Variants in ZWINT observed in about 807,000 individuals in gnomAD.
ZWINT encodes the protein ZW10 interacting kinetochore protein, also known as outer kinetochore KNL1 complex subunit ZWINT.
Under a neutral mutation model 41.5 loss-of-function variants are expected in ZWINT, and 41 were observed. That is an observed-to-expected ratio of 0.99 (90% CI 0.77 to 1.28). ZWINT has a LOEUF of 1.28. Ranked by LOEUF, ZWINT falls within the 50% of genes most tolerant of loss-of-function variation. The pLI is 0.00. For missense variants in ZWINT, 369 were observed against 329.7 expected (o/e 1.12, Z -0.92); for synonymous variants, 132 against 126.8 (o/e 1.04, Z -0.28).
At chr10:56,359,412 G>A (rs1838261543) in intron 5 of ZWINT, 64 bp downstream of exon 5, 1 of 1,451,396 alleles carries the variant, frequency 6.9e-7, no homozygotes, top group African/African-American at 1.4e-5. Flanking sequence ...TTCTAGACAG[G>A]GGACACAGCC....
In ZWINT at chr10:56,357,834, A is replaced by G; in HGVS notation, c.*393T>C. On this transcript the variant is annotated 3_prime_UTR_variant, in exon 9 of 9. Transcript: ENST00000373944. ...GACTCAACAAACATTTGGATCCATG[A>G]ATAAAATTATCTTCCCACATATAAC... 2.9e-6 allele frequency: 1 copy of G among 348,572 alleles called. No homozygotes were observed. Among genetic ancestry groups the G allele is most frequent in the Non-Finnish European group, 5.6e-6 (1 of 177,416 alleles). The allele number at this position is 348,572 out of a possible 1,614,324, so 21.6% of individuals were successfully genotyped here.
rs759058531 is a variant in ZWINT at position 56,360,368 on chromosome 10, C to T, written c.57G>A (p.Val19=). 2 of 1,614,166 alleles carry T rather than the reference C, an allele frequency of 1.2e-6. No individual in the cohort carries two copies. The highest frequency in any genetic ancestry group is 2.2e-5 in the East Asian group (1 of 44,876). Residue 19 remains valine (V), a synonymous_variant, in exon 2 of 9, where the codon GTG becomes GTA. Transcript: ENST00000373944. ...GGCCTACAGGTTCCAAGATGCCTGC[C>T]ACCTCAGCCAGGACCCTGGAGGGGC... is the stretch of plus-strand genomic sequence containing the variant. ...EAAALEVLAE[V]AGILEPVGLQ...
At chr10:56,360,500 T>C (rs144965936) in intron 1 of ZWINT, 117 bp from the exon 2 acceptor site, 1 of 866,252 alleles carries the variant, frequency 1.2e-6, no homozygotes, top group South Asian at 1.7e-5. Flanking sequence ...ATTGAGAGTC[T>C]TGCCTTGACC....
rs758073396 is a variant in ZWINT, at chr10:56,360,158, C to G, written c.133-17G>C. On this transcript the variant is annotated splice_polypyrimidine_tract_variant and intron_variant, in intron 2 of 8. Transcript: ENST00000373944. ...CTGAGAGTCCTGCTCAGAGGGAGGGCAGAGACAGGGAACATCCTTACCTCC... is the reference window on the plus strand; with the variant it reads ...CTGAGAGTCCTGCTCAGAGGGAGGGGAGAGACAGGGAACATCCTTACCTCC... The G allele has an allele frequency of 1.2e-6, 2 of 1,613,438 alleles. No individual in the cohort carries two copies. Among genetic ancestry groups the G allele is most frequent in the African/African-American group, 2.7e-5 (2 of 74,942 alleles).
intron 1 of ZWINT, 86 bp from the exon 2 acceptor site, chr10:56,360,469 G>T: frequency 1.9e-6 from 2 of 1,071,316 alleles, no homozygotes; most frequent in Non-Finnish European, 2.8e-6. Flanking sequence ...AAATGTGGAT[G>T]TGTATATCAG....
chr10:56,361,182 C>G lies in ZWINT; in HGVS notation c.41+14G>C, dbSNP rs775886595. ...AGGCCCGGCCCCAGCTGCCACTTAG[C>G]CGCAAACACTTACTCTAGGGCTGCA... On this transcript the variant is annotated intron_variant, in intron 1 of 8. Coordinates refer to ENST00000373944, the MANE Select transcript of ZWINT (RefSeq NM_007057.4). The G allele has an allele frequency of 1.2e-6, 2 of 1,613,196 alleles. No individual in the cohort carries two copies. Among genetic ancestry groups the G allele is most frequent in the South Asian group, 2.2e-5 (2 of 91,020 alleles).
chr10:56,361,209 C>G lies in ZWINT; in HGVS notation c.28G>C (p.Ala10Pro), dbSNP rs758714789. Residue 10 changes from alanine to proline, a missense_variant, in exon 1 of 9, where the codon GCT (alanine) becomes CCT (proline). Coordinates refer to ENST00000373944, the MANE Select transcript of ZWINT (RefSeq NM_007057.4). ...GCAAACACTTACTCTAGGGCTGCAG[C>G]TTCCGCCTCTGTCTCCGCTGCCTCC... Reference protein sequence around the residue: MEAAETEAEAAALEVLAEVA... With the variant: MEAAETEAEPAALEVLAEVA... 8.7e-6 allele frequency: 14 copies of G among 1,613,060 alleles called. No homozygotes were observed. The East Asian group carries it at 3.1e-4, about 36-fold the overall frequency.
In ZWINT at chr10:56,360,332, C is replaced by T; in HGVS notation, c.93G>A (p.Glu31=). 9.3e-6 allele frequency: 15 copies of T among 1,614,158 alleles called. No homozygotes were observed. The highest frequency in any genetic ancestry group is 1.2e-5 in the Non-Finnish European group (14 of 1,180,008). ...GILEPVGLQE[E]AELPAKILVE... ...CCAGGATCTTGGCTGGCAGTTCTGC[C>T]TCCTCCTGCAGGCCTACAGGTTCCA... Residue 31 remains glutamate (E), a synonymous_variant, in exon 2 of 9, where the codon GAG becomes GAA. Coordinates refer to ENST00000373944, the MANE Select transcript of ZWINT (RefSeq NM_007057.4).
chr10:56,359,903 C>G, intron 3 of ZWINT, 50 bp from the exon 4 acceptor site: 1 of 1,607,022 alleles, frequency 6.2e-7, no homozygotes. Context: ...GGCCTGCTAG[C>G]CTGCCTCCCT....
intron 1 of ZWINT, 131 bp downstream of exon 1, chr10:56,361,065 G>T: frequency 1.0e-6 from 1 of 993,314 alleles, no homozygotes. Flanking sequence ...CGGGACTGCG[G>T]TGAGGATCAC....
chr10:56,358,820 C>T lies in ZWINT; in HGVS notation c.608G>A (p.Arg203Gln), dbSNP rs774074163. 23 of 1,613,896 alleles carry T rather than the reference C, an allele frequency of 1.4e-5. No individual in the cohort carries two copies. Among genetic ancestry groups the T allele is most frequent in the Admixed American group, 8.3e-5 (5 of 59,980 alleles). The change falls in exon 6 of 9, where the codon CGG becomes CAG. Residue 203 changes from arginine (R) to glutamine (Q), a missense_variant. Arg to Gln is a conservative substitution (Grantham distance 43). Transcript: ENST00000373944. ...GNLKQQAEQE[R>Q]DKLQRYQTFL... ...CCGAACTTACCTCTGCAGCTTGTCC[C>T]GCTCCTGTTCTGCCTGCTGCTTCAG...
rs1157825975 is a variant in ZWINT at position 56,358,434 on chromosome 10, T to A, written c.818A>T (p.Asp273Val). The A allele has an allele frequency of 4.3e-6, 7 of 1,613,864 alleles. No homozygotes were observed. The Admixed American group carries it at 1.0e-4, about 23-fold the overall frequency. ...TCCAGGAAGTCATGGCAAATTTACA[T>A]CTCCAGCAGGTTGTAGACCAACAGC... ...FKAVGLQPAG[D>V]VNLP Residue 273 changes from aspartate (D) to valine (V), a missense_variant, in exon 8 of 9, where the codon GAT becomes GTT. By Grantham distance (152) the Asp-to-Val change is radical. Coordinates refer to ENST00000373944, the MANE Select transcript of ZWINT (RefSeq NM_007057.4).
intron 1 of ZWINT, among the ~76,000 whole-genome samples, chr10:56,360,616 G>A (rs966277351): frequency 6.6e-6 from 1 of 152,236 alleles, no homozygotes; most frequent in Admixed American, 6.5e-5. Context: ...AGCAGGGCTA[G>A]TGGATAAGGA....
At position 56,360,000 on chromosome 10, in the gene ZWINT, A is replaced by C; in HGVS notation, c.256+18T>G. The C allele has an allele frequency of 1.2e-6, 2 of 1,613,398 alleles. No individual in the cohort carries two copies. The highest frequency in any genetic ancestry group is 1.7e-6 in the Non-Finnish European group (2 of 1,179,596). On this transcript the variant is annotated intron_variant, in intron 3 of 8. Coordinates refer to ENST00000373944, the MANE Select transcript of ZWINT (RefSeq NM_007057.4). ...CCCCACTCAGGTCAGCTGCTACTAC[A>C]ATCCCCTGCCTACTCACGGCTCGTG...
intron 5 of ZWINT, 41 bp downstream of exon 5, chr10:56,359,435 T>G (rs550095575): frequency 5.3e-6 from 8 of 1,498,860 alleles, no homozygotes; most frequent in Middle Eastern, 1.8e-4. Context: ...TACAATGGCA[T>G]GGTGGTGGGA....
In ZWINT at chr10:56,357,816, C is replaced by G; in HGVS notation, c.*411G>C. 2.9e-6 allele frequency: 1 copy of G among 344,932 alleles called. No individual in the cohort carries two copies. The highest frequency in any genetic ancestry group is 5.7e-6 in the Non-Finnish European group (1 of 176,436). The allele number at this position is 344,932 out of a possible 1,614,324, so 21.4% of individuals were successfully genotyped here. ...ACCTTAGCACAAAGAAAGGACTCAA[C>G]AAACATTTGGATCCATGAATAAAAT... is the stretch of plus-strand genomic sequence containing the variant. On this transcript the variant is annotated 3_prime_UTR_variant, in exon 9 of 9. Coordinates refer to ENST00000373944, the MANE Select transcript of ZWINT (RefSeq NM_007057.4).
intron 1 of ZWINT, 59 bp downstream of exon 1, chr10:56,361,137 G>T: frequency 6.3e-7 from 1 of 1,597,464 alleles, no homozygotes; most frequent in Non-Finnish European, 8.5e-7. Context: ...ATTACACATA[G>T]GGGCCCACAA....
Position 56,359,716 on chromosome 10 carries a change from G to A in ZWINT, c.394C>T (p.Arg132Trp), listed in dbSNP as rs754852712. The A allele has an allele frequency of 1.9e-5, 30 of 1,614,044 alleles. No individual in the cohort carries two copies. Among genetic ancestry groups the A allele is most frequent in the Non-Finnish European group, 2.3e-5 (27 of 1,180,038 alleles). ...GCCTGGAGCTGCTCAAAGGCTTCCC[G>A]GAGTTGTGTCCGTTTCCTCTGGGCT... is the stretch of plus-strand genomic sequence containing the variant. ...EEAQRKRTQL[R>W]EAFEQLQAKK... Residue 132 changes from arginine to tryptophan, a missense_variant, in exon 4 of 9, where the codon CGG becomes TGG. Coordinates refer to ENST00000373944, the MANE Select transcript of ZWINT (RefSeq NM_007057.4).
rs1838190675 is a variant in ZWINT, at chr10:56,357,397, G to A, written c.*830C>T. 1.3e-5 allele frequency: 2 copies of A among 152,068 alleles called. No individual in the cohort carries two copies. The highest frequency in any genetic ancestry group is 4.1e-4 in the South Asian group (2 of 4,822). The allele number at this position is 152,068 out of a possible 1,614,324, so 9.4% of individuals were successfully genotyped here. On this transcript the variant is annotated 3_prime_UTR_variant, in exon 9 of 9. Transcript: ENST00000373944. ...ATAATTATAACAGAATATAGGAAAT[G>A]CTATGAATTGAATGATTGTGAAAAT... is the stretch of plus-strand genomic sequence containing the variant.
Sources: allele counts gnomAD v4.1 joint callset (sites outside exome capture counted in the v4.1 genomes callset), GRCh38; gene constraint gnomAD v4.1.1; transcripts MANE v1.5; gene names NCBI Gene and HGNC (gene_info 2026-07-23, HGNC 2026-07-21).